Variants in CLIP4 observed in about 807,000 individuals in gnomAD.
The protein encoded by CLIP4 is CAP-Gly domain containing linker protein family member 4.
In CLIP4, 47 loss-of-function variants were observed where a neutral mutation model predicts 73.1. The observed-to-expected ratio is 0.64, with a 90% CI of 0.51 to 0.82. CLIP4 has a LOEUF of 0.82. Among genes scored for constraint, CLIP4 ranks in the 40% least tolerant of loss-of-function variants. The pLI, the probability that CLIP4 is intolerant of heterozygous loss-of-function variation, is 0.00. For missense variants in CLIP4, 874 were observed against 852.9 expected (o/e 1.02, Z -0.31); for synonymous variants, 306 against 295.4 (o/e 1.04, Z -0.37).
intron 13 of CLIP4, among the ~76,000 whole-genome samples, chr2:29,165,518 T>A (rs1667552952): frequency 6.6e-6 from 1 of 152,216 alleles, no homozygotes; most frequent in South Asian, 2.1e-4. Flanking sequence ...ACCGTAACCC[T>A]ATAACGGTTA....
chr2:29,167,522 C>G lies in CLIP4; in HGVS notation c.1705C>G (p.Gln569Glu). ...DTLSEISSNK[Q>E]NHSYPGFRRS... is the part of the protein sequence containing the mutation. ...CCTTTCAGAAATTTCTTCAAATAAACAGAACCATTCTTATCCTGGTAAGAC... is the reference window on the plus strand; with the variant it reads ...CCTTTCAGAAATTTCTTCAAATAAAGAGAACCATTCTTATCCTGGTAAGAC... Residue 569 changes from glutamine (Q) to glutamate (E), a missense_variant, in exon 14 of 16, where the codon CAG (glutamine) becomes GAG (glutamate). Coordinates refer to ENST00000320081, the MANE Select transcript of CLIP4 (RefSeq NM_024692.6). 6.2e-7 allele frequency: 1 copy of G among 1,607,654 alleles called. No homozygotes were observed. Among genetic ancestry groups the G allele is most frequent in the Non-Finnish European group, 8.5e-7 (1 of 1,176,918 alleles).
chr2:29,107,852 CTG>C (rs1234050211), intron 1 of CLIP4, among the ~76,000 whole-genome samples: 3 of 152,156 alleles, frequency 2.0e-5, no homozygotes, highest in Admixed American at 6.5e-5. Context: ...GCACCTGACT[CTG>C]AGACTGAAAT....
intron 8 of CLIP4, among the ~76,000 whole-genome samples, chr2:29,149,439 C>A (rs569232156): frequency 2.9e-5 from 4 of 136,190 alleles, no homozygotes; most frequent in Admixed American, 7.3e-5. Flanking sequence ...AGAGTTCATA[C>A]CATTTTTATT....
At chr2:29,133,083 G>T (rs1665093771) in intron 4 of CLIP4, among the ~76,000 whole-genome samples, 1 of 152,116 alleles carries the variant, frequency 6.6e-6, no homozygotes, top group Admixed American at 6.5e-5. Flanking sequence ...AGCTGCTTGC[G>T]AGGCCGAGGT....
chr2:29,122,794 C>A (rs924049632), intron 2 of CLIP4, among the ~76,000 whole-genome samples: 1 of 138,512 alleles, frequency 7.2e-6, no homozygotes, highest in African/African-American at 2.7e-5. Context: ...TCACTGCACT[C>A]CAGCCTGGGC....
At chr2:29,124,666 T>C (rs2148470691) in intron 2 of CLIP4, among the ~76,000 whole-genome samples, 1 of 152,350 alleles carries the variant, frequency 6.6e-6, no homozygotes, top group African/African-American at 2.4e-5. Flanking sequence ...TTTATATTAC[T>C]GCATCTTCAA....
intron 11 of CLIP4, among the ~76,000 whole-genome samples, chr2:29,159,545 C>G (rs899090852): frequency 6.6e-6 from 1 of 151,980 alleles, no homozygotes; most frequent in African/African-American, 2.4e-5. Context: ...GCAATTTAAC[C>G]TTCAAATCAC....
intron 8 of CLIP4, among the ~76,000 whole-genome samples, chr2:29,152,213 G>A (rs1470842): frequency 0.14 from 20,591 of 152,212 alleles, 1,815 homozygotes; most frequent in Middle Eastern, 0.23. Context: ...AACTTCCAAA[G>A]GAGTTGTAAG....
At chr2:29,130,315 G>A (rs1200938599) in intron 2 of CLIP4, among the ~76,000 whole-genome samples, 4 of 152,160 alleles carry the variant, frequency 2.6e-5, no homozygotes, top group South Asian at 4.1e-4. Flanking sequence ...ACTGCAAATA[G>A]GGAGACTTCC....
chr2:29,167,182 A>G (rs961642230), intron 13 of CLIP4, among the ~76,000 whole-genome samples: 3 of 152,184 alleles, frequency 2.0e-5, no homozygotes, highest in Non-Finnish European at 4.4e-5. Context: ...TTATTTTCAT[A>G]TTTTTTAGTT....
At chr2:29,147,432 G>A (rs1666246334) in intron 8 of CLIP4, among the ~76,000 whole-genome samples, 1 of 151,928 alleles carries the variant, frequency 6.6e-6, no homozygotes, top group Non-Finnish European at 1.5e-5. Context: ...ATGTTTTTTG[G>A]ACATGTAGTT....
intron 6 of CLIP4, among the ~76,000 whole-genome samples, chr2:29,138,008 A>C (rs767094321): frequency 3.3e-5 from 5 of 152,114 alleles, no homozygotes; most frequent in Non-Finnish European, 7.4e-5. Context: ...TCTTTAGTTT[A>C]ATGAGGTCCT....
chr2:29,103,942 C>G (rs1222576888), intron 1 of CLIP4, among the ~76,000 whole-genome samples: 1 of 151,884 alleles, frequency 6.6e-6, no homozygotes, highest in Non-Finnish European at 1.5e-5. Context: ...GTCTCAAACT[C>G]CTGATCCACC....
At chr2:29,107,366 T>TTTTTTTTTTTTTTTTTTTTTTTTTTTTG (rs1668247303) in intron 1 of CLIP4, among the ~76,000 whole-genome samples, 1 of 107,516 alleles carries the variant, frequency 9.3e-6, no homozygotes, top group African/African-American at 4.1e-5. Context: ...TAGTTTTTTT[T>TTTTTTTTTTTTTTTTTTTTTTTTTTTTG]TTTTTTTTTT....
In CLIP4 at chr2:29,168,038, C is replaced by T. The variant is rs917509973; in HGVS notation, c.1723+498C>T. Among the ~76,000 whole-genome samples the T allele has an allele frequency of 3.9e-5, 6 of 152,286 alleles. No homozygotes were observed. In the South Asian group the frequency reaches 6.2e-4, roughly 16 times the overall value. ...AGGATTCCCAGGTGTGGGATACCTG[C>T]GTCCTCCACCTTCCTAGGTAATGCC... On this transcript the variant is annotated intron_variant, in intron 14 of 15. Coordinates refer to ENST00000320081, the MANE Select transcript of CLIP4 (RefSeq NM_024692.6).
chr2:29,146,560 G>A (rs577440415), intron 8 of CLIP4, among the ~76,000 whole-genome samples: 99 of 152,182 alleles, frequency 6.5e-4, no homozygotes, highest in African/African-American at 2.3e-3. Context: ...TGATTTTGTA[G>A]TCACTTACTA....
intron 13 of CLIP4, among the ~76,000 whole-genome samples, chr2:29,165,645 C>T (rs1351701802): frequency 1.3e-5 from 2 of 152,184 alleles, no homozygotes; most frequent in Non-Finnish European, 2.9e-5. Context: ...TTGGGCATAT[C>T]TTCATCAAAA....
intron 6 of CLIP4, among the ~76,000 whole-genome samples, chr2:29,138,941 T>C (rs753483226): frequency 4.6e-5 from 7 of 152,058 alleles, no homozygotes; most frequent in Non-Finnish European, 7.4e-5. Flanking sequence ...ACCATATTGT[T>C]GGTGAAGAGA....
intron 5 of CLIP4, among the ~76,000 whole-genome samples, chr2:29,135,154 C>G (rs1222871014): frequency 6.6e-6 from 1 of 152,166 alleles, no homozygotes; most frequent in East Asian, 1.9e-4. Flanking sequence ...GCCTCTGAGT[C>G]ATAGGTTGCT....
Sources: allele counts gnomAD v4.1 joint callset (sites outside exome capture counted in the v4.1 genomes callset), GRCh38; gene constraint gnomAD v4.1.1; transcripts MANE v1.5; gene names NCBI Gene and HGNC (gene_info 2026-07-23, HGNC 2026-07-21).